Variants in MYL12B observed in about 807,000 individuals in gnomAD.
MYL12B encodes the protein myosin light chain 12B.
In MYL12B, 3 loss-of-function variants were observed where a neutral mutation model predicts 12.9. That is an observed-to-expected ratio of 0.23 (90% CI 0.11 to 0.60). MYL12B has a LOEUF of 0.60. Among genes scored for constraint, MYL12B ranks in the 20% least tolerant of loss-of-function variants. The probability of loss-of-function intolerance (pLI) is 0.89; values close to 1 mark genes in which losing one functional copy is unlikely to be tolerated. For synonymous variants in MYL12B, 57 were observed against 71.9 expected, an observed-to-expected ratio of 0.79 and a Z score of 1.05; for missense variants, 120 against 215.4, an observed-to-expected ratio of 0.56 and a Z score of 2.77.
rs188470738 is a variant in MYL12B at position 3,276,403 on chromosome 18, G to A, written c.185-850G>A. On this transcript the variant is annotated intron_variant, in intron 2 of 3. Coordinates refer to ENST00000237500, the MANE Select transcript of MYL12B (RefSeq NM_033546.4). ...GGCCATTCCAGGGAGATTTCTTTCA[G>A]CTCCTAGGGAAAGGTCAGGGGAGTT... The A allele has an allele frequency of 8.9e-3, 8,758 of 984,158 alleles. 45 individuals carry two copies. The highest frequency in any genetic ancestry group is 9.9e-3 in the Non-Finnish European group (8,179 of 829,356). The allele number at this position is 984,158 out of a possible 1,614,324, so 61.0% of individuals were successfully genotyped here.
At chr18:3,265,209 C>T (rs1339968760) in intron 1 of MYL12B, among the ~76,000 whole-genome samples, 1 of 152,124 alleles carries the variant, frequency 6.6e-6, no homozygotes, top group African/African-American at 2.4e-5. Context: ...AAATATGCAG[C>T]ACAAAAGCAA....
chr18:3,264,198 G>C (rs925222303), intron 1 of MYL12B, among the ~76,000 whole-genome samples: 2 of 152,076 alleles, frequency 1.3e-5, no homozygotes, highest in African/African-American at 4.8e-5. Context: ...TTCAGATCCG[G>C]GACCTACCTT....
At chr18:3,265,805 GC>G in intron 1 of MYL12B, among the ~76,000 whole-genome samples, 1 of 152,288 alleles carries the variant, frequency 6.6e-6, no homozygotes, top group Non-Finnish European at 1.5e-5. Context: ...GAGGAATTCA[GC>G]CAAAAGAATA....
At chr18:3,267,109 T>A (rs1288180957) in intron 1 of MYL12B, among the ~76,000 whole-genome samples, 1 of 152,236 alleles carries the variant, frequency 6.6e-6, no homozygotes, top group Admixed American at 6.5e-5. Flanking sequence ...AATCACCTGG[T>A]GCGTTTTTGA....
chr18:3,277,739 GCTTT>G (rs923887033), intron 3 of MYL12B, 22 bp from the exon 4 acceptor site: 20 of 1,595,224 alleles, frequency 1.3e-5, no homozygotes, highest in Non-Finnish European at 1.4e-5. Flanking sequence ...ATTGATGACT[GCTTT>G]CTTCTTTCTA....
At chr18:3,264,949 T>C (rs1791063) in intron 1 of MYL12B, among the ~76,000 whole-genome samples, 145,093 of 152,266 alleles carry the variant, frequency 0.95, 69,187 homozygotes, top group Non-Finnish European at 0.98. Context: ...TTTGACTATA[T>C]AAATTTCACT....
intron 2 of MYL12B, 167 bp from the exon 3 acceptor site, chr18:3,277,083 ATTT>A (rs1165036931): frequency 1.1e-6 from 1 of 933,720 alleles, no homozygotes; most frequent in African/African-American, 1.8e-5. Flanking sequence ...TGTATCCAAT[ATTT>A]TTTAAGTTGT....
intron 1 of MYL12B, among the ~76,000 whole-genome samples, chr18:3,264,302 A>G (rs541114234): frequency 1.8e-4 from 27 of 152,348 alleles, no homozygotes; most frequent in African/African-American, 6.5e-4. Flanking sequence ...ACATATATTT[A>G]TACATATATA....
chr18:3,269,803 G>A (rs147595075), intron 1 of MYL12B, among the ~76,000 whole-genome samples: 26 of 152,314 alleles, frequency 1.7e-4, no homozygotes, highest in African/African-American at 6.3e-4. Flanking sequence ...GGAAAATGGA[G>A]GAGGAAATCT....
At position 3,278,030 on chromosome 18, in the gene MYL12B, A is replaced by G. The variant is rs574212590; in HGVS notation, c.*93A>G. 293 of 1,445,220 alleles carry G rather than the reference A, an allele frequency of 2.0e-4. 1 individual carries two copies. The South Asian group carries it at 2.2e-3, about 11-fold the overall frequency. The allele number at this position is 1,445,220 out of a possible 1,614,324, so 89.5% of individuals were successfully genotyped here. The stretch of plus-strand genomic sequence containing the variant: ...ACCCTCATAGAACCTGTTGCATGCA[A>G]CTTAGTTTCACAGCTTTGCCTCTTC... On this transcript the variant is annotated 3_prime_UTR_variant, in exon 4 of 4. Transcript: ENST00000237500.
At chr18:3,266,128 C>T (rs1313058639) in intron 1 of MYL12B, among the ~76,000 whole-genome samples, 1 of 152,178 alleles carries the variant, frequency 6.6e-6, no homozygotes, top group Non-Finnish European at 1.5e-5. Flanking sequence ...TTTTGAGGGT[C>T]AGAGCCAGAG....
intron 1 of MYL12B, among the ~76,000 whole-genome samples, chr18:3,271,253 C>G (rs2144359582): frequency 6.6e-6 from 1 of 152,196 alleles, no homozygotes; most frequent in Non-Finnish European, 1.5e-5. Context: ...AAATAACAAA[C>G]TAAGTTACAA....
At chr18:3,277,441 C>T in intron 3 of MYL12B, 27 bp downstream of exon 3, 1 of 1,611,824 alleles carries the variant, frequency 6.2e-7, no homozygotes, top group Non-Finnish European at 8.5e-7. Flanking sequence ...TATGCCCAGC[C>T]TCATTCCACA....
intron 1 of MYL12B, among the ~76,000 whole-genome samples, chr18:3,265,554 CT>C (rs72469880): frequency 0.16 from 23,821 of 152,110 alleles, 2,253 homozygotes; most frequent in African/African-American, 0.26. Flanking sequence ...TAACAAGACC[CT>C]CTCAGAGTCC....
At chr18:3,265,448 T>G (rs1167499649) in intron 1 of MYL12B, among the ~76,000 whole-genome samples, 2 of 152,140 alleles carry the variant, frequency 1.3e-5, no homozygotes, top group Non-Finnish European at 2.9e-5. Context: ...AAAAATGACC[T>G]TAGGTTTTAG....
At chr18:3,275,311 G>C (rs1389685295) in intron 2 of MYL12B, among the ~76,000 whole-genome samples, 1 of 152,090 alleles carries the variant, frequency 6.6e-6, no homozygotes, top group Non-Finnish European at 1.5e-5. Context: ...GGTTATCAGA[G>C]ACTGGGAAGG....
chr18:3,277,440 C>T, intron 3 of MYL12B, 26 bp downstream of exon 3: 1 of 1,611,728 alleles, frequency 6.2e-7, no homozygotes. Flanking sequence ...TTATGCCCAG[C>T]CTCATTCCAC....
chr18:3,278,203 T>C lies in MYL12B; in HGVS notation c.*266T>C. The C allele has an allele frequency of 1.0e-5, 3 of 300,434 alleles. No individual in the cohort carries two copies. The highest frequency in any genetic ancestry group is 1.2e-5 in the Non-Finnish European group (2 of 163,834). The allele number at this position is 300,434 out of a possible 1,614,324, so 18.6% of individuals were successfully genotyped here. On this transcript the variant is annotated 3_prime_UTR_variant, in exon 4 of 4. Transcript: ENST00000237500. ...GCCCAGAAAAATATATTCGTATTTCTGGTTTTGCTGGATTTTTACATTTTT... is the reference window on the plus strand; with the variant it reads ...GCCCAGAAAAATATATTCGTATTTCCGGTTTTGCTGGATTTTTACATTTTT...
chr18:3,275,000 GA>G (rs2081716910), intron 2 of MYL12B, among the ~76,000 whole-genome samples: 1 of 152,164 alleles, frequency 6.6e-6, no homozygotes, highest in Non-Finnish European at 1.5e-5. Context: ...TAGTATCATT[GA>G]AGAGGTATCT....
Sources: gnomAD v4.1 joint callset for allele counts (sites outside exome capture counted in the v4.1 genomes callset) on GRCh38, gnomAD v4.1.1 for gene constraint, MANE v1.5 for transcripts, NCBI Gene and HGNC (gene_info 2026-07-23, HGNC 2026-07-21) for gene names.